Variants in ZNF676 observed in about 807,000 individuals in gnomAD.
The protein encoded by ZNF676 is zinc finger protein 676.
ZNF676 carries 4 observed loss-of-function variants against 6.0 expected under a neutral mutation model. The ratio of observed to expected loss-of-function variants is 0.67; its 90% CI spans 0.33 to 1.53. The LOEUF is 1.53. Among genes scored for constraint, ZNF676 ranks in the 40% most tolerant of loss-of-function variants. The probability of loss-of-function intolerance (pLI) is 0.06; values close to 1 mark genes in which losing one functional copy is unlikely to be tolerated. For synonymous variants in ZNF676, 198 were observed against 223.1 expected, an observed-to-expected ratio of 0.89 and a Z score of 1.00; for missense variants, 644 against 679.7, an observed-to-expected ratio of 0.95 and a Z score of 0.58.
In ZNF676 at chr19:22,179,804, G is replaced by T; in HGVS notation, c.*146C>A. The T allele has an allele frequency of 2.0e-6, 2 of 977,216 alleles. No individual in the cohort carries two copies. The highest frequency in any genetic ancestry group is 2.8e-5 in the South Asian group (2 of 70,996). The allele number at this position is 977,216 out of a possible 1,614,324, so 60.5% of individuals were successfully genotyped here. ...CGTTTGTAGTGTTTCTCTCCAGCAT[G>T]AATTTTCTTATGTGTAATAAAGATT... On this transcript the variant is annotated 3_prime_UTR_variant, in exon 3 of 3. Transcript: ENST00000397121.
chr19:22,230,660 T>C, the ZNF676 span, among the ~76,000 whole-genome samples: 4 of 119,268 alleles, frequency 3.4e-5, no homozygotes, highest in South Asian at 1.1e-3. Flanking sequence ...TGTATTTGTA[T>C]ATATATATAT....
At chr19:22,240,327 A>T in the ZNF676 span, among the ~76,000 whole-genome samples, 47 of 151,972 alleles carry the variant, frequency 3.1e-4, no homozygotes, top group African/African-American at 1.0e-3. Flanking sequence ...GGGCCCAGTG[A>T]TATGTCTCAA....
Position 22,190,664 on chromosome 19 carries a change from T to TATATATATAC in ZNF676, c.130+2351_130+2352insGTATATATAT, listed in dbSNP as rs1157566142. ...ATATATATATATATATATATATATATACATACACACTTTAAGATATATGGT... is the reference window on the plus strand; with the variant it reads ...ATATATATATATATATATATATATATATATATATACACATACACACTTTAAGATATATGGT... On this transcript the variant is annotated intron_variant, in intron 2 of 2. Coordinates refer to ENST00000397121, the MANE Select transcript of ZNF676 (RefSeq NM_001001411.3). 3.3e-3 allele frequency among the ~76,000 whole-genome samples: 369 copies of TATATATATAC among 111,686 alleles called. 4 individuals carry two copies. The highest frequency in any genetic ancestry group is 4.5e-3 in the Non-Finnish European group (270 of 59,566). 73.3% of individuals were successfully genotyped at this position (111,686 alleles called of 152,430 possible).
rs371219264 is a variant in ZNF676 at position 22,181,340 on chromosome 19, G to A, written c.377C>T (p.Ser126Leu). Residue 126 changes from serine to leucine, a missense_variant, in exon 3 of 3, where the codon TCA becomes TTA. By Grantham distance (145) the Ser-to-Leu change is moderately radical (BLOSUM62 -2). This residue lies in a region of ZNF676 where 280 missense variants were observed against 269.3 expected (regional missense o/e 1.04). Transcript: ENST00000397121. ...CCTTATCTTATGTCTGTTTGAATTT[G>A]AACATTTATGAAAGACGTTTGCATA... The part of the protein sequence containing the change: ...GKYANVFHKC[S>L]NSNRHKIRHT... 1 of 1,613,630 alleles carries A rather than the reference G, an allele frequency of 6.2e-7. No individual in the cohort carries two copies. The highest frequency in any genetic ancestry group is 8.5e-7 in the Non-Finnish European group (1 of 1,179,716).
the ZNF676 span, among the ~76,000 whole-genome samples, chr19:22,258,166 C>A: frequency 1.3e-5 from 2 of 151,890 alleles, no homozygotes; most frequent in Admixed American, 6.6e-5. Flanking sequence ...ATGGTCCAGG[C>A]AAAAGAAAAA....
At chr19:22,235,512 G>C in the ZNF676 span, among the ~76,000 whole-genome samples, 1 of 152,148 alleles carries the variant, frequency 6.6e-6, no homozygotes, top group African/African-American at 2.4e-5. Context: ...TTTTACCTTA[G>C]AAGGAATATC....
At chr19:22,220,346 G>A (rs536714096), upstream of ZNF676, among the ~76,000 whole-genome samples, 2 of 152,182 alleles carry the variant, frequency 1.3e-5, no homozygotes, top group South Asian at 2.1e-4. Context: ...ATTTAGGAAG[G>A]ATTCCCTTTT....
intron 1 of ZNF676, among the ~76,000 whole-genome samples, chr19:22,208,611 G>A (rs1366089464): frequency 6.6e-6 from 1 of 152,138 alleles, no homozygotes; most frequent in Non-Finnish European, 1.5e-5. Flanking sequence ...GCAAAGACAT[G>A]GAATCAACCT....
At position 22,194,147 on chromosome 19, in the gene ZNF676, C is replaced by T. The variant is rs1238483862; in HGVS notation, c.35-1036G>A. ...CTGCTTACCACTGGTCTGCCTTAGC[C>T]GCCAAGCATGCTTGGAGCACAATTC... On this transcript the variant is annotated intron_variant, in intron 1 of 2. Transcript: ENST00000397121. Among the ~76,000 whole-genome samples the T allele has an allele frequency of 4.6e-5, 7 of 152,092 alleles. No homozygotes were observed. The South Asian group carries it at 8.3e-4, about 18-fold the overall frequency.
chr19:22,193,619 T>C (rs2023937197), intron 1 of ZNF676, among the ~76,000 whole-genome samples: 1 of 152,120 alleles, frequency 6.6e-6, no homozygotes. Flanking sequence ...GGAAGAATTG[T>C]CCATTTGCTA....
chr19:22,237,338 C>T, the ZNF676 span, among the ~76,000 whole-genome samples: 1 of 152,280 alleles, frequency 6.6e-6, no homozygotes, highest in South Asian at 2.1e-4. Context: ...CTTAGTGGGT[C>T]CAAATAAATA....
chr19:22,203,961 G>A (rs978236757), intron 1 of ZNF676: 1 of 149,712 alleles, frequency 6.7e-6, no homozygotes, highest in African/African-American at 2.5e-5. Context: ...CATTGAATGT[G>A]AGATCTACAC....
Position 22,196,713 on chromosome 19 carries a change from A to T in ZNF676, c.-80T>A, listed in dbSNP as rs2023971250. The T allele has an allele frequency of 1.2e-6, 2 of 1,608,480 alleles. No individual in the cohort carries two copies. ...AGAGAATTCTATGGCCACATCCCTA[A>T]ATGTCAATGCTCCCTGGAAAACACA... On this transcript the variant is annotated 5_prime_UTR_variant, in exon 1 of 3. Transcript: ENST00000397121.
intron 2 of ZNF676, among the ~76,000 whole-genome samples, chr19:22,182,475 C>T (rs551682462): frequency 6.9e-6 from 1 of 143,894 alleles, no homozygotes; most frequent in South Asian, 2.3e-4. Flanking sequence ...AGCAGGAACA[C>T]AAAAGACTAT....
chr19:22,232,488 C>A, the ZNF676 span, among the ~76,000 whole-genome samples: 6 of 152,018 alleles, frequency 3.9e-5, no homozygotes, highest in Non-Finnish European at 5.9e-5. Context: ...TTTCAATACC[C>A]CATTTTGTAT....
In ZNF676 at chr19:22,180,373, G is replaced by T. The variant is rs776718141; in HGVS notation, c.1344C>A (p.Pro448=). Residue 448 remains proline (P), a synonymous_variant, in exon 3 of 3, where the codon CCC becomes CCA. Coordinates refer to ENST00000397121, the MANE Select transcript of ZNF676 (RefSeq NM_001001411.3). ...CTTTGCCACATTCTTCACATTTGTA[G>T]GGTTTCTCTCCAGCATGAATTCTCT... is the stretch of plus-strand genomic sequence containing the variant. ...EHKRIHAGEK[P]YKCEECGKAF... is the part of the protein sequence containing the mutation. The T allele has an allele frequency of 6.2e-7, 1 of 1,613,720 alleles. No homozygotes were observed. The highest frequency in any genetic ancestry group is 2.2e-5 in the East Asian group (1 of 44,848).
chr19:22,253,414 A>ATATATATATATATATG, the ZNF676 span, among the ~76,000 whole-genome samples: 1 of 59,412 alleles, frequency 1.7e-5, no homozygotes, highest in Non-Finnish European at 3.9e-5. Flanking sequence ...GTATATATAT[A>ATATATATATATATATG]TATGATAATG....
chr19:22,230,293 A>G, the ZNF676 span, among the ~76,000 whole-genome samples: 1 of 152,194 alleles, frequency 6.6e-6, no homozygotes, highest in Admixed American at 6.5e-5. Flanking sequence ...GTGGGAGTTG[A>G]ACAATGAGAA....
the ZNF676 span, among the ~76,000 whole-genome samples, chr19:22,227,496 G>A: frequency 6.6e-6 from 1 of 152,114 alleles, no homozygotes; most frequent in African/African-American, 2.4e-5. Flanking sequence ...CAGAAGACAA[G>A]AAATAACTAA....
Sources: allele counts gnomAD v4.1 joint callset (sites outside exome capture counted in the v4.1 genomes callset), GRCh38; gene constraint gnomAD v4.1.1; regional missense constraint gnomAD v4.1.1; transcripts MANE v1.5; gene names NCBI Gene and HGNC (gene_info 2026-07-23, HGNC 2026-07-21).